CSMD3: variants seen among roughly 807,000 people sequenced by gnomAD.
CSMD3 encodes the protein CUB and Sushi multiple domains 3.
In CSMD3, 177 loss-of-function variants were observed where a neutral mutation model predicts 435.2. That is an observed-to-expected ratio of 0.41 (90% CI 0.36 to 0.46). The LOEUF (loss-of-function observed/expected upper bound fraction) is 0.46. Among genes scored for constraint, CSMD3 ranks in the 20% least tolerant of loss-of-function variants. The pLI, the probability that CSMD3 is intolerant of heterozygous loss-of-function variation, is 0.34. For missense variants in CSMD3, 4,265 were observed against 4,504.6 expected (o/e 0.95, Z 1.52); for synonymous variants, 1,656 against 1,520.5 (o/e 1.09, Z -2.07).
chr8:112,867,263 G>A (rs771757934), intron 10 of CSMD3, among the ~76,000 whole-genome samples: 2 of 152,080 alleles, frequency 1.3e-5, no homozygotes, highest in Non-Finnish European at 2.9e-5. Flanking sequence ...ATCATCATTG[G>A]TATTTGAATT....
At chr8:112,814,773 C>T (rs1436658093) in intron 12 of CSMD3, among the ~76,000 whole-genome samples, 1 of 150,384 alleles carries the variant, frequency 6.6e-6, no homozygotes, top group Non-Finnish European at 1.5e-5. Flanking sequence ...CAGAGCAAGA[C>T]TCCATCTCAA....
At chr8:112,361,158 A>G (rs1208668820) in intron 38 of CSMD3, among the ~76,000 whole-genome samples, 1 of 151,868 alleles carries the variant, frequency 6.6e-6, no homozygotes, top group East Asian at 1.9e-4. Flanking sequence ...ACATCAAAAC[A>G]TTGAGTCATT....
At chr8:112,545,503 A>AAG (rs60808203) in intron 27 of CSMD3, among the ~76,000 whole-genome samples, 1 of 114,882 alleles carries the variant, frequency 8.7e-6, no homozygotes, top group Admixed American at 9.6e-5. Flanking sequence ...AAAAAAAAAA[A>AAG]TAATAATAAT....
chr8:113,353,444 G>A (rs979900723), intron 1 of CSMD3, among the ~76,000 whole-genome samples: 1 of 152,084 alleles, frequency 6.6e-6, no homozygotes. Context: ...TGACTATAAA[G>A]AGCAGTAATT....
intron 13 of CSMD3, among the ~76,000 whole-genome samples, chr8:112,786,773 ACATGTGCAG>A (rs1220303330): frequency 6.6e-6 from 1 of 152,110 alleles, no homozygotes; most frequent in Admixed American, 6.6e-5. Context: ...GTTCTGGGAT[ACATGTGCAG>A]AATGTTCAGG....
At chr8:112,517,523 C>T (rs921596108) in intron 27 of CSMD3, among the ~76,000 whole-genome samples, 7 of 151,594 alleles carry the variant, frequency 4.6e-5, no homozygotes, top group East Asian at 1.9e-4. Flanking sequence ...GGAACATATC[C>T]GCAGAGGACT....
At chr8:112,858,843 C>G (rs557418796) in intron 11 of CSMD3, among the ~76,000 whole-genome samples, 6 of 151,946 alleles carry the variant, frequency 3.9e-5, no homozygotes, top group African/African-American at 1.4e-4. Flanking sequence ...AAAACAGCCA[C>G]TATTCATGAT....
At chr8:112,899,545 A>G (rs1454492057) in intron 10 of CSMD3, among the ~76,000 whole-genome samples, 1 of 143,320 alleles carries the variant, frequency 7.0e-6, no homozygotes, top group African/African-American at 2.5e-5. Context: ...TATACTATAT[A>G]TATTTTGGGT....
chr8:112,650,624 C>T (rs1438352704), intron 18 of CSMD3, among the ~76,000 whole-genome samples: 1 of 151,938 alleles, frequency 6.6e-6, no homozygotes, highest in Non-Finnish European at 1.5e-5. Flanking sequence ...TGTATATATA[C>T]ACATATATCA....
intron 24 of CSMD3, among the ~76,000 whole-genome samples, chr8:112,572,669 C>T (rs1193736119): frequency 2.6e-5 from 4 of 152,066 alleles, no homozygotes; most frequent in African/African-American, 9.7e-5. Context: ...TACTATACAA[C>T]ATTAATGAGT....
intron 5 of CSMD3, among the ~76,000 whole-genome samples, chr8:113,038,187 G>T (rs1331596986): frequency 6.6e-6 from 1 of 152,092 alleles, no homozygotes; most frequent in Non-Finnish European, 1.5e-5. Flanking sequence ...AGATATCAAA[G>T]ATGAAAGACT....
intron 13 of CSMD3, among the ~76,000 whole-genome samples, chr8:112,761,617 T>C (rs1263731145): frequency 6.6e-6 from 1 of 152,072 alleles, no homozygotes; most frequent in Non-Finnish European, 1.5e-5. Context: ...TGAACCATAT[T>C]TACAAAAAGT....
At chr8:112,565,285 T>C (rs1278499461) in intron 24 of CSMD3, among the ~76,000 whole-genome samples, 1 of 152,106 alleles carries the variant, frequency 6.6e-6, no homozygotes, top group Non-Finnish European at 1.5e-5. Context: ...TGTTGCTCCC[T>C]TGTAATTTAC....
chr8:113,095,400 C>T (rs926031234), intron 5 of CSMD3, among the ~76,000 whole-genome samples: 2 of 152,124 alleles, frequency 1.3e-5, no homozygotes, highest in African/African-American at 4.8e-5. Context: ...CCTATAATAT[C>T]TCTTCTCCAA....
rs375618448 is a variant in CSMD3, at chr8:112,682,588, C to T, written c.2531G>A (p.Arg844Gln). ...CPDPGIPINARRFGDNFQLGS... is the reference protein window; with the variant it reads ...CPDPGIPINAQRFGDNFQLGS... Reference sequence around the variant, plus strand: ...TAATTGAAAGTTGTCCCCAAACCGCCGTGCATTGATTGGTATTCCAGGATC... The same window carrying T: ...TAATTGAAAGTTGTCCCCAAACCGCTGTGCATTGATTGGTATTCCAGGATC... Residue 844 changes from arginine to glutamine, a missense_variant, in exon 16 of 71, where the codon CGG becomes CAG. Physicochemically the swap from Arg to Gln is conservative, Grantham distance 43. Coordinates refer to ENST00000297405, the MANE Select transcript of CSMD3 (RefSeq NM_198123.2). 2.4e-5 allele frequency: 38 copies of T among 1,613,700 alleles called. No individual in the cohort carries two copies. Among genetic ancestry groups the T allele is most frequent in the Non-Finnish European group, 3.0e-5 (35 of 1,179,674 alleles).
At chr8:112,393,506 A>C (rs1298319782) in intron 35 of CSMD3, among the ~76,000 whole-genome samples, 1 of 152,162 alleles carries the variant, frequency 6.6e-6, no homozygotes, top group Non-Finnish European at 1.5e-5. Context: ...TTTTTATGTT[A>C]GTCTCTTGAA....
intron 3 of CSMD3, among the ~76,000 whole-genome samples, chr8:113,261,156 G>A (rs2093424077): frequency 6.6e-6 from 1 of 152,052 alleles, no homozygotes; most frequent in Admixed American, 6.6e-5. Context: ...ATACAGATTG[G>A]TCCATAGTGT....
chr8:112,561,415 G>T (rs940005762), intron 24 of CSMD3, among the ~76,000 whole-genome samples: 1 of 151,382 alleles, frequency 6.6e-6, no homozygotes, highest in African/African-American at 2.4e-5. Context: ...TCCTGCCACC[G>T]TGTAGCATAT....
chr8:112,836,072 T>A (rs1029184149), intron 11 of CSMD3, among the ~76,000 whole-genome samples: 4 of 151,852 alleles, frequency 2.6e-5, no homozygotes, highest in African/African-American at 9.7e-5. Context: ...CACAGTTCTT[T>A]AGACAATGAG....
Sources: gnomAD v4.1 joint callset for allele counts (sites outside exome capture counted in the v4.1 genomes callset) on GRCh38, gnomAD v4.1.1 for gene constraint, MANE v1.5 for transcripts, NCBI Gene and HGNC (gene_info 2026-07-23, HGNC 2026-07-21) for gene names.